The following DIAPH2 variants were observed in gnomAD, a reference collection of about 807,000 sequenced individuals.
DIAPH2 encodes the protein protein diaphanous homolog 2.
In DIAPH2, 35 loss-of-function variants were observed where a neutral mutation model predicts 92.7. The observed-to-expected ratio is 0.38, with a 90% confidence interval of 0.29 to 0.50. The LOEUF (loss-of-function observed/expected upper bound fraction) is 0.50. Ranked by LOEUF, DIAPH2 falls within the 20% of genes least tolerant of loss-of-function variation. The pLI, the probability that DIAPH2 is intolerant of heterozygous loss-of-function variation, is 0.94. For missense variants in DIAPH2, 701 were observed against 819.5 expected (o/e 0.86, Z 1.77); for synonymous variants, 301 against 280.4 (o/e 1.07, Z -0.73).
chrX:96,744,901 G>C (rs1278555686), intron 3 of DIAPH2, among the ~76,000 whole-genome samples: 2 of 110,461 alleles, frequency 1.8e-5, no homozygotes. Flanking sequence ...TTATTGTGCT[G>C]TTTCTCTTGA....
intron 4 of DIAPH2, among the ~76,000 whole-genome samples, chrX:96,872,343 G>T (rs1328596910): frequency 9.0e-6 from 1 of 111,351 alleles, no homozygotes; most frequent in Non-Finnish European, 1.9e-5. Context: ...CCACAAATGA[G>T]AACATGAGAT....
At chrX:96,771,905 G>C (rs752450577) in intron 4 of DIAPH2, among the ~76,000 whole-genome samples, 1 of 110,325 alleles carries the variant, frequency 9.1e-6, no homozygotes, top group Non-Finnish European at 1.9e-5. Flanking sequence ...GGGTGTGGTG[G>C]CACACTCCTG....
intron 26 of DIAPH2, among the ~76,000 whole-genome samples, chrX:97,471,645 G>A (rs1034701941): frequency 5.3e-5 from 5 of 94,570 alleles, no homozygotes; most frequent in African/African-American, 8.1e-5. Flanking sequence ...AGCCAAGATC[G>A]CGCCATTGCA....
chrX:97,076,953 A>G (rs960513399), intron 19 of DIAPH2, among the ~76,000 whole-genome samples: 6 of 111,532 alleles, frequency 5.4e-5, no homozygotes, highest in African/African-American at 2.0e-4. Flanking sequence ...TTTCCTTCTC[A>G]GTACCAGATA....
At chrX:96,960,039 G>A (rs2065837276) in intron 16 of DIAPH2, among the ~76,000 whole-genome samples, 2 of 111,170 alleles carry the variant, frequency 1.8e-5, no homozygotes, top group Admixed American at 1.9e-4. Flanking sequence ...ATATTTTGAA[G>A]TCAATGTCCT....
At chrX:97,570,400 C>T (rs2147874002) in intron 26 of DIAPH2, among the ~76,000 whole-genome samples, 1 of 106,147 alleles carries the variant, frequency 9.4e-6, no homozygotes, top group East Asian at 3.0e-4. Flanking sequence ...ATATTTAGTC[C>T]AAGAAAAGAA....
At chrX:96,745,867 A>G (rs1176780451) in intron 3 of DIAPH2, among the ~76,000 whole-genome samples, 3 of 111,980 alleles carry the variant, frequency 2.7e-5, no homozygotes, top group African/African-American at 9.8e-5. Context: ...AATGGTATCA[A>G]TGGCTATTGC....
At chrX:96,926,931 G>A (rs751599456) in intron 9 of DIAPH2, among the ~76,000 whole-genome samples, 5 of 110,982 alleles carry the variant, frequency 4.5e-5, no homozygotes, top group East Asian at 2.8e-4. Flanking sequence ...TAGATATGGC[G>A]GACCATTTTG....
chrX:97,365,791 C>T (rs1369258724), intron 24 of DIAPH2, among the ~76,000 whole-genome samples: 2 of 108,071 alleles, frequency 1.9e-5, no homozygotes, highest in Non-Finnish European at 3.8e-5. Flanking sequence ...CTGCAATCTC[C>T]ACCTCCTGGG....
intron 26 of DIAPH2, among the ~76,000 whole-genome samples, chrX:97,597,039 A>G: frequency 8.9e-6 from 1 of 112,257 alleles, no homozygotes; most frequent in East Asian, 2.8e-4. Flanking sequence ...CATTGCTGCT[A>G]TTGTTTCTAA....
At chrX:96,932,255 C>A (rs964842612) in intron 10 of DIAPH2, among the ~76,000 whole-genome samples, 1 of 110,871 alleles carries the variant, frequency 9.0e-6, no homozygotes, top group Non-Finnish European at 1.9e-5. Flanking sequence ...TATTAATATG[C>A]CATGTTTTCT....
At chrX:97,338,983 A>G (rs1017251897) in intron 23 of DIAPH2, among the ~76,000 whole-genome samples, 1 of 111,977 alleles carries the variant, frequency 8.9e-6, no homozygotes, top group African/African-American at 3.2e-5. Context: ...TGTACATTAA[A>G]GTATAAAGGA....
At chrX:97,477,398 G>A (rs772670299) in intron 26 of DIAPH2, among the ~76,000 whole-genome samples, 115 of 111,189 alleles carry the variant, frequency 1.0e-3, no homozygotes, top group Middle Eastern at 4.6e-3. Context: ...GCCAAGGTGG[G>A]TGGATCACCT....
intron 21 of DIAPH2, among the ~76,000 whole-genome samples, chrX:97,136,528 G>A (rs1223205110): frequency 9.0e-6 from 1 of 111,186 alleles, no homozygotes; most frequent in African/African-American, 3.3e-5. Flanking sequence ...TTTAAGGAAG[G>A]GAGTGACATG....
chrX:97,108,388 G>A (rs1221941523), intron 20 of DIAPH2, among the ~76,000 whole-genome samples: 5 of 112,056 alleles, frequency 4.5e-5, no homozygotes, highest in South Asian at 3.7e-4. Flanking sequence ...ACAAATTTCA[G>A]CAGAGTTTTT....
intron 19 of DIAPH2, among the ~76,000 whole-genome samples, chrX:97,076,492 A>T (rs1033395689): frequency 5.4e-5 from 6 of 111,666 alleles, no homozygotes; most frequent in African/African-American, 2.0e-4. Flanking sequence ...AGCCCATGCC[A>T]CTGCACTCTA....
chrX:96,886,612 C>T (rs772549681), intron 5 of DIAPH2, among the ~76,000 whole-genome samples: 3 of 111,468 alleles, frequency 2.7e-5, no homozygotes, highest in African/African-American at 9.7e-5. Flanking sequence ...AATTATCAGA[C>T]ATTTTGAAAA....
chrX:97,120,355 C>T (rs192296721), intron 21 of DIAPH2, among the ~76,000 whole-genome samples: 9 of 110,959 alleles, frequency 8.1e-5, no homozygotes, highest in Non-Finnish European at 1.5e-4. Context: ...GAGGATCTCC[C>T]TTTCCCACTT....
chrX:96,697,602 G>A (rs1169698140), intron 1 of DIAPH2, among the ~76,000 whole-genome samples: 4 of 110,958 alleles, frequency 3.6e-5, no homozygotes, highest in Admixed American at 1.9e-4. Flanking sequence ...GCCGAGATCC[G>A]CCACTGCACT....
Sources: gnomAD v4.1 joint callset for allele counts (sites outside exome capture counted in the v4.1 genomes callset) on GRCh38, gnomAD v4.1.1 for gene constraint, MANE v1.5 for transcripts, NCBI Gene and HGNC (gene_info 2026-07-23, HGNC 2026-07-21) for gene names.